CNTNAP2: variants seen among roughly 807,000 people sequenced by gnomAD.
CNTNAP2 encodes contactin-associated protein-like 2.
A neutral mutation model predicts 155.2 loss-of-function variants in CNTNAP2; 98 were observed. That is an observed-to-expected ratio of 0.63 (90% CI 0.54 to 0.75). The LOEUF (loss-of-function observed/expected upper bound fraction) is 0.75. Ranked by LOEUF, CNTNAP2 falls within the 30% of genes least tolerant of loss-of-function variation. The probability of loss-of-function intolerance (pLI) is 0.00; values close to 1 mark genes in which losing one functional copy is unlikely to be tolerated. For missense variants in CNTNAP2, 1,727 were observed against 1,688.1 expected, an observed-to-expected ratio of 1.02 and a Z score of -0.40; for synonymous variants, 651 against 631.2, an observed-to-expected ratio of 1.03 and a Z score of -0.47.
chr7:147,926,345 T>G (rs891256218), intron 14 of CNTNAP2, among the ~76,000 whole-genome samples: 1 of 152,148 alleles, frequency 6.6e-6, no homozygotes, highest in African/African-American at 2.4e-5. Flanking sequence ...CTTTAAAAAT[T>G]TAGTGAATTT....
At chr7:147,046,136 G>C (rs1055657749) in intron 4 of CNTNAP2, among the ~76,000 whole-genome samples, 6 of 152,140 alleles carry the variant, frequency 3.9e-5, no homozygotes, top group Non-Finnish European at 8.8e-5. Context: ...AACCCAGGTA[G>C]TCTGGTACAG....
chr7:148,328,290 G>T (rs1273085761), intron 21 of CNTNAP2, among the ~76,000 whole-genome samples: 1 of 152,134 alleles, frequency 6.6e-6, no homozygotes, highest in Non-Finnish European at 1.5e-5. Flanking sequence ...GAGGAGGGCT[G>T]CCTGACACAG....
intron 13 of CNTNAP2, among the ~76,000 whole-genome samples, chr7:147,673,360 T>A (rs1238932736): frequency 6.6e-6 from 1 of 152,198 alleles, no homozygotes; most frequent in African/African-American, 2.4e-5. Flanking sequence ...ATTACATACA[T>A]TATTTTATTT....
intron 9 of CNTNAP2, among the ~76,000 whole-genome samples, chr7:147,380,314 G>A (rs974507268): frequency 2.0e-5 from 3 of 151,782 alleles, no homozygotes; most frequent in Non-Finnish European, 4.4e-5. Flanking sequence ...AAATTTGGAG[G>A]TGCTCTTGTA....
chr7:146,960,353 C>G (rs1367938780), intron 3 of CNTNAP2, among the ~76,000 whole-genome samples: 3 of 152,176 alleles, frequency 2.0e-5, no homozygotes, highest in East Asian at 1.9e-4. Context: ...GAGTCTTTGA[C>G]AGCTGGGTCT....
At position 147,149,024 on chromosome 7, in the gene CNTNAP2, G is replaced by A. The variant is rs775611056; in HGVS notation, c.1348+16515G>A. On this transcript the variant is annotated intron_variant, in intron 8 of 23. Transcript: ENST00000361727. ...CATCTTCCACAGCATGGAAGGGGAC[G>A]AGCAAGTTGCCGCTGCTGGCTGGGG... is the stretch of plus-strand genomic sequence containing the variant. 3.9e-5 allele frequency among the ~76,000 whole-genome samples: 6 copies of A among 152,324 alleles called. No individual in the cohort carries two copies. In the South Asian group the frequency reaches 8.3e-4, roughly 21 times the overall value.
chr7:147,881,137 G>T (rs10270982), intron 13 of CNTNAP2, among the ~76,000 whole-genome samples: 5,954 of 152,188 alleles, frequency 0.039, 373 homozygotes, highest in African/African-American at 0.14. Context: ...ATTTAAAAAT[G>T]AGATCAGTTG....
At chr7:146,668,489 T>C (rs6963334) in intron 1 of CNTNAP2, among the ~76,000 whole-genome samples, 16,961 of 151,162 alleles carry the variant, frequency 0.11, 1,606 homozygotes, top group African/African-American at 0.26. Flanking sequence ...TCTGGTTTTG[T>C]TATTAGATTT....
At chr7:146,478,703 C>G (rs989164585) in intron 1 of CNTNAP2, among the ~76,000 whole-genome samples, 2 of 151,920 alleles carry the variant, frequency 1.3e-5, no homozygotes, top group Non-Finnish European at 2.9e-5. Flanking sequence ...CACATGCACA[C>G]ACACAGGAAG....
At chr7:147,247,324 G>A (rs1188867945) in intron 8 of CNTNAP2, among the ~76,000 whole-genome samples, 1 of 152,110 alleles carries the variant, frequency 6.6e-6, no homozygotes, top group African/African-American at 2.4e-5. Flanking sequence ...CTCCTTGGCA[G>A]GTGACCAGCA....
chr7:148,021,620 G>A (rs956770045), intron 15 of CNTNAP2, among the ~76,000 whole-genome samples: 1 of 152,348 alleles, frequency 6.6e-6, no homozygotes, highest in African/African-American at 2.4e-5. Context: ...TGCGAGAGAC[G>A]GCGCTAGCCC....
intron 1 of CNTNAP2, among the ~76,000 whole-genome samples, chr7:146,621,616 T>C (rs1406331647): frequency 1.3e-5 from 2 of 152,200 alleles, no homozygotes; most frequent in African/African-American, 2.4e-5. Context: ...TTATAGGTTT[T>C]AGAGAAGAAG....
At chr7:147,375,768 C>T (rs1399322834) in intron 9 of CNTNAP2, among the ~76,000 whole-genome samples, 3 of 152,060 alleles carry the variant, frequency 2.0e-5, no homozygotes, top group Non-Finnish European at 2.9e-5. Flanking sequence ...TGAAATCTCT[C>T]ACCCAACAGT....
At chr7:148,090,299 A>G (rs745934843) in intron 15 of CNTNAP2, among the ~76,000 whole-genome samples, 9 of 152,126 alleles carry the variant, frequency 5.9e-5, no homozygotes, top group Non-Finnish European at 1.3e-4. Context: ...AAAGGAAACA[A>G]TCCAACAGAC....
intron 8 of CNTNAP2, among the ~76,000 whole-genome samples, chr7:147,181,010 A>G (rs1802446311): frequency 6.6e-6 from 1 of 152,200 alleles, no homozygotes. Context: ...AGCTTAAAAT[A>G]TGTCAGTAAC....
At chr7:146,511,524 A>G (rs1456725979) in intron 1 of CNTNAP2, among the ~76,000 whole-genome samples, 2 of 152,172 alleles carry the variant, frequency 1.3e-5, no homozygotes, top group Non-Finnish European at 2.9e-5. Flanking sequence ...ATACTTTTTT[A>G]GCATCTATGG....
intron 1 of CNTNAP2, among the ~76,000 whole-genome samples, chr7:146,722,182 GC>G (rs1220920526): frequency 6.6e-6 from 1 of 151,624 alleles, no homozygotes; most frequent in Non-Finnish European, 1.5e-5. Flanking sequence ...GAGCCAGCAT[GC>G]CCAGCCCTCC....
chr7:148,016,808 C>T (rs980801308), intron 15 of CNTNAP2, among the ~76,000 whole-genome samples: 2 of 152,112 alleles, frequency 1.3e-5, no homozygotes, highest in African/African-American at 4.8e-5. Context: ...TAAGTTATAG[C>T]ATTTTAATGG....
chr7:148,206,329 T>G (rs1795448909), intron 18 of CNTNAP2, among the ~76,000 whole-genome samples: 1 of 149,768 alleles, frequency 6.7e-6, no homozygotes, highest in African/African-American at 2.4e-5. Context: ...TTGACTACCA[T>G]TTGTATTATA....
Sources: gnomAD v4.1 joint callset for allele counts (sites outside exome capture counted in the v4.1 genomes callset) on GRCh38, gnomAD v4.1.1 for gene constraint, MANE v1.5 for transcripts, NCBI Gene and HGNC (gene_info 2026-07-23, HGNC 2026-07-21) for gene names.